CTNNBL1: variants seen among roughly 807,000 people sequenced by gnomAD.
CTNNBL1 encodes beta-catenin-like protein 1.
CTNNBL1 carries 31 observed loss-of-function variants against 72.7 expected under a neutral mutation model. That is an observed-to-expected ratio of 0.43 (90% confidence interval 0.32 to 0.58). The LOEUF (loss-of-function observed/expected upper bound fraction) is 0.58, where lower values mean the gene tolerates loss of function less well. CTNNBL1 is among the 20% of genes least tolerant of loss of function. CTNNBL1 has a pLI of 0.08. For missense variants in CTNNBL1, 534 were observed against 725.1 expected (o/e 0.74, Z 3.03); for synonymous variants, 240 against 267.3 (o/e 0.90, Z 1.00).
chr20:37,831,587 C>T (rs537117600), intron 11 of CTNNBL1, among the ~76,000 whole-genome samples: 20 of 152,192 alleles, frequency 1.3e-4, no homozygotes, highest in African/African-American at 3.9e-4. Flanking sequence ...CGGGTGGTCT[C>T]GATCTCCTAA....
chr20:37,861,615 G>T (rs924868375), intron 15 of CTNNBL1, among the ~76,000 whole-genome samples: 4 of 152,198 alleles, frequency 2.6e-5, no homozygotes, highest in African/African-American at 9.7e-5. Flanking sequence ...TCCAGGTGGC[G>T]GATGAAATGT....
rs200452247 is a variant in CTNNBL1, at chr20:37,822,358, C to T, written c.1214-17744C>T. ...ATGCCCAGCATCTGCCTTGGCTGCC[C>T]GTCATTCCCTTTTACCAAATATTTA... On this transcript the variant is annotated intron_variant, in intron 11 of 15. Coordinates refer to ENST00000361383, the MANE Select transcript of CTNNBL1 (RefSeq NM_030877.5). 5.3e-5 allele frequency among the ~76,000 whole-genome samples: 8 copies of T among 152,246 alleles called. No homozygotes were observed. In the East Asian group the frequency reaches 7.7e-4, roughly 15 times the overall value.
intron 4 of CTNNBL1, among the ~76,000 whole-genome samples, chr20:37,753,657 G>T (rs778161209): frequency 3.3e-5 from 5 of 152,156 alleles, no homozygotes; most frequent in African/African-American, 7.2e-5. Flanking sequence ...AATAGTGAGC[G>T]CTTTGGGCAT....
intron 1 of CTNNBL1, among the ~76,000 whole-genome samples, chr20:37,731,916 T>G (rs2073132314): frequency 6.6e-6 from 1 of 152,234 alleles, no homozygotes; most frequent in African/African-American, 2.4e-5. Context: ...TCAATTCTGT[T>G]GGTTACATAC....
chr20:37,712,012 G>T (rs2072942267), intron 1 of CTNNBL1, among the ~76,000 whole-genome samples: 1 of 152,226 alleles, frequency 6.6e-6, no homozygotes, highest in African/African-American at 2.4e-5. Context: ...TTCATCTACA[G>T]AGTGGAGAAT....
chr20:37,810,393 A>G (rs1376795383), intron 11 of CTNNBL1, among the ~76,000 whole-genome samples: 2 of 152,186 alleles, frequency 1.3e-5, no homozygotes, highest in Admixed American at 6.5e-5. Flanking sequence ...CTTCATTCCC[A>G]CCAGACTACA....
At chr20:37,760,879 T>G (rs2073410889) in intron 5 of CTNNBL1, among the ~76,000 whole-genome samples, 1 of 152,062 alleles carries the variant, frequency 6.6e-6, no homozygotes, top group Admixed American at 6.6e-5. Context: ...TCACAAACAT[T>G]TTTTTCAGTT....
intron 4 of CTNNBL1, among the ~76,000 whole-genome samples, chr20:37,755,972 C>T (rs6067519): frequency 0.31 from 46,688 of 152,040 alleles, 7,244 homozygotes; most frequent in Admixed American, 0.33. Flanking sequence ...ACAATTTTCT[C>T]TCCCTTTTCC....
At chr20:37,781,941 C>T (rs1469832525) in intron 10 of CTNNBL1, among the ~76,000 whole-genome samples, 1 of 152,122 alleles carries the variant, frequency 6.6e-6, no homozygotes, top group Non-Finnish European at 1.5e-5. Flanking sequence ...GGAACATGCT[C>T]TTTTACTTAC....
At chr20:37,746,680 C>G (rs1164927440) in intron 4 of CTNNBL1, 73 bp downstream of exon 4, 2 of 1,538,708 alleles carry the variant, frequency 1.3e-6, no homozygotes, top group African/African-American at 1.4e-5. Context: ...TCTCCTGTCT[C>G]TCTTTGTAGA....
chr20:37,779,395 G>A, intron 10 of CTNNBL1, 60 bp downstream of exon 10: 1 of 1,564,792 alleles, frequency 6.4e-7, no homozygotes, highest in Non-Finnish European at 8.8e-7. Flanking sequence ...CTGTTAGCCT[G>A]AATTCAAGAG....
chr20:37,756,266 A>G (rs1014453826), intron 4 of CTNNBL1: 1 of 152,182 alleles, frequency 6.6e-6, no homozygotes, highest in Non-Finnish European at 1.5e-5. Context: ...ATTGTTTTAG[A>G]TTATCTATCT....
intron 13 of CTNNBL1, among the ~76,000 whole-genome samples, chr20:37,858,721 T>G (rs1251704920): frequency 6.6e-6 from 1 of 152,108 alleles, no homozygotes; most frequent in Non-Finnish European, 1.5e-5. Flanking sequence ...AAAGCTGGGT[T>G]TTTTGTTTTT....
intron 13 of CTNNBL1, among the ~76,000 whole-genome samples, chr20:37,849,763 G>A (rs2072379370): frequency 6.6e-6 from 1 of 152,248 alleles, no homozygotes; most frequent in Non-Finnish European, 1.5e-5. Context: ...GATCAGGGAT[G>A]CTGGAGCCAG....
At chr20:37,812,217 G>A (rs942072731) in intron 11 of CTNNBL1, among the ~76,000 whole-genome samples, 7 of 152,162 alleles carry the variant, frequency 4.6e-5, no homozygotes, top group South Asian at 4.1e-4. Flanking sequence ...ATGATCATGA[G>A]TGTCTGACGT....
intron 10 of CTNNBL1, among the ~76,000 whole-genome samples, chr20:37,791,276 G>A (rs940299159): frequency 2.0e-5 from 3 of 152,182 alleles, no homozygotes; most frequent in Non-Finnish European, 4.4e-5. Flanking sequence ...TAGTTAAATT[G>A]CTGGGTCATA....
chr20:37,732,849 C>A, intron 1 of CTNNBL1, 30 bp from the exon 2 acceptor site: 1 of 1,604,918 alleles, frequency 6.2e-7, no homozygotes, highest in Admixed American at 1.7e-5. Flanking sequence ...TTGTATCCAG[C>A]TCTAAAATCT....
intron 11 of CTNNBL1, among the ~76,000 whole-genome samples, chr20:37,827,518 A>G (rs947082263): frequency 6.6e-6 from 1 of 152,228 alleles, no homozygotes; most frequent in Non-Finnish European, 1.5e-5. Flanking sequence ...ATTTTTCTCA[A>G]AGTATGGACT....
chr20:37,835,182 C>T (rs757652087), intron 11 of CTNNBL1, among the ~76,000 whole-genome samples: 99 of 152,220 alleles, frequency 6.5e-4, no homozygotes, highest in Non-Finnish European at 5.7e-4. Flanking sequence ...TGTGGGATAC[C>T]CAAATCGTTG....
Sources: gnomAD v4.1 joint callset for allele counts (sites outside exome capture counted in the v4.1 genomes callset) on GRCh38, gnomAD v4.1.1 for gene constraint, MANE v1.5 for transcripts, NCBI Gene and HGNC (gene_info 2026-07-23, HGNC 2026-07-21) for gene names.